The following MPZL2 variants were observed in gnomAD, a reference collection of about 807,000 sequenced individuals.
The protein encoded by MPZL2 is myelin protein zero like 2, also known as myelin protein zero-like protein 2.
In MPZL2, 32 loss-of-function variants were observed where a neutral mutation model predicts 24.5. That is an observed-to-expected ratio of 1.31 (90% CI 0.99 to 1.76). The LOEUF (loss-of-function observed/expected upper bound fraction) is 1.76, where lower values mean the gene tolerates loss of function less well. Among genes scored for constraint, MPZL2 ranks in the 40% most tolerant of loss-of-function variants. MPZL2 has a pLI of 0.00. For missense variants in MPZL2, 304 were observed against 274.9 expected (o/e 1.11, Z -0.75); for synonymous variants, 92 against 97.9 (o/e 0.94, Z 0.36).
Position 118,262,463 on chromosome 11 carries a change from C to G in MPZL2, c.411G>C (p.Glu137Asp). The change falls in exon 3 of 6, where the codon GAG becomes GAC. Residue 137 changes from glutamate to aspartate, a missense_variant. Transcript: ENST00000278937. ...CAGTGTGCACGACGCTGAGCCGGAT[C>G]TCCCCTATCACCCCATCAACATCAG... is the stretch of plus-strand genomic sequence containing the variant. ...NPPDVDGVIGEIRLSVVHTVR... is the reference protein window; with the variant it reads ...NPPDVDGVIGDIRLSVVHTVR... 6.2e-7 allele frequency: 1 copy of G among 1,614,096 alleles called. No individual in the cohort carries two copies. Among genetic ancestry groups the G allele is most frequent in the Non-Finnish European group, 8.5e-7 (1 of 1,180,020 alleles).
At chr11:118,258,173 T>C (rs1288717549) in intron 4 of MPZL2, among the ~76,000 whole-genome samples, 1 of 152,144 alleles carries the variant, frequency 6.6e-6, no homozygotes, top group Admixed American at 6.5e-5. Flanking sequence ...ATTAAGACTA[T>C]AAAACTCTTA....
chr11:118,258,372 G>C (rs1949676349), intron 4 of MPZL2, among the ~76,000 whole-genome samples: 1 of 152,136 alleles, frequency 6.6e-6, no homozygotes, highest in Non-Finnish European at 1.5e-5. Context: ...AAAATTGCAA[G>C]TTGTATATCT....
In MPZL2 at chr11:118,254,923, A is replaced by G. The variant is rs1249950225; in HGVS notation, c.*323T>C. ...GGCTTTTATCCCTTTTGATACCAAT[A>G]TATGTGTATACAAGTCATAACACTG... is the stretch of plus-strand genomic sequence containing the variant. On this transcript the variant is annotated 3_prime_UTR_variant, in exon 6 of 6. Coordinates refer to ENST00000278937, the MANE Select transcript of MPZL2 (RefSeq NM_005797.4). The G allele has an allele frequency of 6.6e-6, 1 of 152,240 alleles. No homozygotes were observed. The highest frequency in any genetic ancestry group is 1.5e-5 in the Non-Finnish European group (1 of 68,050). The allele number at this position is 152,240 out of a possible 1,614,324, so 9.4% of individuals were successfully genotyped here.
intron 4 of MPZL2, 74 bp from the exon 5 acceptor site, chr11:118,257,387 G>A (rs1758795572): frequency 8.0e-7 from 1 of 1,249,504 alleles, no homozygotes. Flanking sequence ...GAAGCTTCAG[G>A]TAAGGTATTT....
In MPZL2 at chr11:118,263,090, C is replaced by T. The variant is rs200464581; in HGVS notation, c.66G>A (p.Trp22Ter). 12 of 1,612,902 alleles carry T rather than the reference C, an allele frequency of 7.4e-6. No individual in the cohort carries two copies. In the African/African-American group the frequency reaches 8.0e-5, roughly 11 times the overall value. ...LLLGIQLTAL[W>*]PIAAVEIYTS... ...TATAAATTTCCACAGCTGCTATAGG[C>T]CAAAGAGCTGCAATGAAAAAGAAGA... is the stretch of plus-strand genomic sequence containing the variant. Residue 22 changes from tryptophan (W) to a stop codon, truncating the protein, a stop_gained, in exon 2 of 6, where the codon TGG becomes TGA. Transcript: ENST00000278937. LOFTEE classifies it high-confidence loss of function.
At chr11:118,259,337 A>G (rs1949682899) in intron 4 of MPZL2, 1 of 152,220 alleles carries the variant, frequency 6.6e-6, no homozygotes. Flanking sequence ...AGTCATAAAA[A>G]GGAAAGAAAT....
At chr11:118,262,773 TC>T in intron 2 of MPZL2, 125 bp from the exon 3 acceptor site, 1 of 1,345,548 alleles carries the variant, frequency 7.4e-7, no homozygotes, top group Non-Finnish European at 1.0e-6. Flanking sequence ...TCACTTGCTT[TC>T]CCCTTCAACG....
rs1042067751 is a variant in MPZL2 at position 118,254,778 on chromosome 11, G to A, written c.*468C>T. The A allele has an allele frequency of 1.3e-5, 2 of 152,160 alleles. No individual in the cohort carries two copies. The highest frequency in any genetic ancestry group is 2.9e-5 in the Non-Finnish European group (2 of 68,036). 9.4% of individuals were successfully genotyped at this position (152,160 alleles called of 1,614,324 possible). ...GGATTTACTGTTAATCAGAAACACC[G>A]AGGAGGCTTAGCTCACCTTTTAATT... On this transcript the variant is annotated 3_prime_UTR_variant, in exon 6 of 6. Transcript: ENST00000278937.
At position 118,264,123 on chromosome 11, in the gene MPZL2, G is replaced by C. The variant is rs369068714; in HGVS notation, c.31C>G (p.Leu11Val). 8.1e-6 allele frequency: 13 copies of C among 1,614,162 alleles called. No individual in the cohort carries two copies. Among genetic ancestry groups the C allele is most frequent in the Non-Finnish European group, 1.1e-5 (13 of 1,180,026 alleles). Residue 11 changes from leucine to valine, a missense_variant, in exon 1 of 6, where the codon CTT (leucine) becomes GTT (valine). Physicochemically the swap from Leu to Val is conservative, Grantham distance 32. Coordinates refer to ENST00000278937, the MANE Select transcript of MPZL2 (RefSeq NM_005797.4). The stretch of plus-strand genomic sequence containing the variant: ...GTGAGCTGTATGCCAAGGAGAAGAA[G>C]CACCGCACGAGTAGAGCTCTTGCCA... MYGKSSTRAV[L>V]LLLGIQLTAL...
At chr11:118,260,550 C>T (rs1208128431) in intron 3 of MPZL2, among the ~76,000 whole-genome samples, 1 of 152,182 alleles carries the variant, frequency 6.6e-6, no homozygotes, top group African/African-American at 2.4e-5. Context: ...CTTTGAAAAC[C>T]ACTGGGTGGG....
chr11:118,262,283 C>T (rs916929075), intron 3 of MPZL2, among the ~76,000 whole-genome samples, 155 bp downstream of exon 3: 7 of 152,174 alleles, frequency 4.6e-5, no homozygotes, highest in Admixed American at 1.3e-4. Context: ...CAGAACTCTT[C>T]GGTCTCCCTC....
rs201577748 is a variant in MPZL2 at position 118,264,079 on chromosome 11, A to AGCCC, written c.58+13_58+16dup. On this transcript the variant is annotated intron_variant, in intron 1 of 5. Coordinates refer to ENST00000278937, the MANE Select transcript of MPZL2 (RefSeq NM_005797.4). ...CAGTGAAGGAGGAAACTCTGAGAGA[A>AGCCC]GCCCGCCGGCTCTTACCTGTGAGCT... The AGCCC allele has an allele frequency of 0.03, 47,639 of 1,613,250 alleles. 833 individuals are homozygous for AGCCC. Among genetic ancestry groups the AGCCC allele is most frequent in the Non-Finnish European group, 0.036 (42,658 of 1,179,184 alleles).
intron 3 of MPZL2, 112 bp from the exon 4 acceptor site, chr11:118,260,313 A>G: frequency 9.3e-7 from 1 of 1,076,530 alleles, no homozygotes; most frequent in South Asian, 1.6e-5. Context: ...CCTTTATCCT[A>G]CCTTTATGCA....
rs192626124 is a variant in MPZL2, at chr11:118,259,752, A to G, written c.584+302T>C. The G allele has an allele frequency of 9.8e-4, 209 of 213,462 alleles. 1 individual carries two copies. Among genetic ancestry groups the G allele is most frequent in the African/African-American group, 4.7e-3 (203 of 43,366 alleles). 13.2% of individuals were successfully genotyped at this position (213,462 alleles called of 1,614,324 possible). ...CTGACTGCCTAGCCCAGTGGTTTTT[A>G]CAAATGTATGCTTCACTTTAAACAT... On this transcript the variant is annotated intron_variant, in intron 4 of 5. Transcript: ENST00000278937.
At chr11:118,261,159 CTG>C (rs1818601757) in intron 3 of MPZL2, among the ~76,000 whole-genome samples, 1 of 152,214 alleles carries the variant, frequency 6.6e-6, no homozygotes, top group Admixed American at 6.5e-5. Flanking sequence ...GATGAAGAAA[CTG>C]AGGTCCAAAA....
At chr11:118,258,923 G>A (rs950331636) in intron 4 of MPZL2, among the ~76,000 whole-genome samples, 1 of 150,970 alleles carries the variant, frequency 6.6e-6, no homozygotes, top group East Asian at 1.9e-4. Flanking sequence ...CCACAGAACC[G>A]TGAGCCAATT....
Position 118,262,456 on chromosome 11 carries a change from GC to G in MPZL2, c.417del (p.Leu140SerfsTer25), listed in dbSNP as rs777960413. ...PDVDGVIGEI[R>X]LSVVHTVRFS... ...AACCTACCAGTGTGCACGACGCTGA[GC>G]CGGATCTCCCCTATCACCCCATCAA... On this transcript the variant is annotated frameshift_variant, in exon 3 of 6. Transcript: ENST00000278937. LOFTEE classifies it high-confidence loss of function. 6.2e-7 allele frequency: 1 copy of G among 1,613,978 alleles called. No individual in the cohort carries two copies. Among genetic ancestry groups the G allele is most frequent in the South Asian group, 1.1e-5 (1 of 91,080 alleles).
chr11:118,257,007 T>C (rs1209305347), intron 5 of MPZL2: 1 of 326,340 alleles, frequency 3.1e-6, no homozygotes, highest in Admixed American at 4.9e-5. Flanking sequence ...TAGGATTCTC[T>C]CAGCTTTAAT....
rs1949722256 is a variant in MPZL2 at position 118,264,111 on chromosome 11, C to T, written c.43G>A (p.Gly15Ser). 1.2e-6 allele frequency: 2 copies of T among 1,614,106 alleles called. No individual in the cohort carries two copies. Among genetic ancestry groups the T allele is most frequent in the East Asian group, 4.5e-5 (2 of 44,864 alleles). The change falls in exon 1 of 6, where the codon GGC (glycine) becomes AGC (serine). Residue 15 changes from glycine (G) to serine (S), a missense_variant. Physicochemically the swap from Gly to Ser is moderately conservative, Grantham distance 56. Coordinates refer to ENST00000278937, the MANE Select transcript of MPZL2 (RefSeq NM_005797.4). ...CGGCTCTTACCTGTGAGCTGTATGC[C>T]AAGGAGAAGAAGCACCGCACGAGTA... ...SSTRAVLLLL[G>S]IQLTALWPIA...
Sources: allele counts gnomAD v4.1 joint callset (sites outside exome capture counted in the v4.1 genomes callset), GRCh38; gene constraint gnomAD v4.1.1; transcripts MANE v1.5; gene names NCBI Gene and HGNC (gene_info 2026-07-23, HGNC 2026-07-21).